KIF15: variants seen among roughly 807,000 people sequenced by gnomAD.
KIF15 encodes kinesin-like protein KIF15.
In KIF15, 140 loss-of-function variants were observed where a neutral mutation model predicts 190.6. That is an observed-to-expected ratio of 0.73 (90% CI 0.64 to 0.84). The LOEUF is 0.84. Among genes scored for constraint, KIF15 ranks in the 40% least tolerant of loss-of-function variants. The pLI, the probability that KIF15 is intolerant of heterozygous loss-of-function variation, is 0.00. For synonymous variants in KIF15, 528 were observed against 551.3 expected, an observed-to-expected ratio of 0.96 and a Z score of 0.59; for missense variants, 1,372 against 1,584.4, an observed-to-expected ratio of 0.87 and a Z score of 2.28.
chr3:44,778,328 C>A, intron 4 of KIF15, 137 bp downstream of exon 4: 1 of 711,206 alleles, frequency 1.4e-6, no homozygotes, highest in Non-Finnish European at 2.5e-6. Flanking sequence ...GTGAAAAGTT[C>A]AACATGGGTC....
chr3:44,789,782 A>T (rs1397102642), intron 7 of KIF15, among the ~76,000 whole-genome samples: 2 of 151,088 alleles, frequency 1.3e-5, no homozygotes, highest in Non-Finnish European at 2.9e-5. Flanking sequence ...GAAACGATGT[A>T]TAATAAAACC....
chr3:44,810,974 T>G lies in KIF15; in HGVS notation c.2100T>G (p.Asn700Lys), dbSNP rs1352050627. 1 of 1,613,936 alleles carries G rather than the reference T, an allele frequency of 6.2e-7. No individual in the cohort carries two copies. Among genetic ancestry groups the G allele is most frequent in the South Asian group, 1.1e-5 (1 of 91,054 alleles). The change falls in exon 17 of 35, where the codon AAT (asparagine) becomes AAG (lysine). Residue 700 changes from asparagine to lysine, a missense_variant. Asn to Lys is a moderately conservative substitution (Grantham distance 94, BLOSUM62 0). Transcript: ENST00000326047. ...GCATATTAGATAATGATATATTAAA[T>G]GAGCCAGTTCCTCCTGAGATGAATG... ...NSSILDNDILNEPVPPEMNEQ... is the reference protein window; with the variant it reads ...NSSILDNDILKEPVPPEMNEQ...
At chr3:44,848,282 A>G (rs1464863396) in intron 31 of KIF15, among the ~76,000 whole-genome samples, 2 of 152,262 alleles carry the variant, frequency 1.3e-5, no homozygotes, top group African/African-American at 4.8e-5. Context: ...ATGCACACAT[A>G]TAATTCTCCA....
chr3:44,821,339 G>A (rs936698823), intron 20 of KIF15, among the ~76,000 whole-genome samples: 2 of 151,648 alleles, frequency 1.3e-5, no homozygotes, highest in Admixed American at 1.3e-4. Context: ...GGGTGGCTGC[G>A]GGGCGGTGAC....
At chr3:44,862,122 G>T (rs757182390) in intron 6 of KIF15, 29 of 1,141,360 alleles carry the variant, frequency 2.5e-5, no homozygotes, top group Middle Eastern at 3.5e-4. Flanking sequence ...GCGAGGTCGA[G>T]CCCGGGGCGC....
chr3:44,811,204 G>C (rs1707768212), intron 17 of KIF15, among the ~76,000 whole-genome samples, 161 bp downstream of exon 17: 1 of 152,108 alleles, frequency 6.6e-6, no homozygotes, highest in African/African-American at 2.4e-5. Context: ...TTGGAAATCA[G>C]CCCACTCTTG....
intron 20 of KIF15, among the ~76,000 whole-genome samples, chr3:44,816,047 A>T (rs2125667289): frequency 6.6e-6 from 1 of 151,856 alleles, no homozygotes; most frequent in Non-Finnish European, 1.5e-5. Context: ...TTTTTTTTTT[A>T]AAGATTCATT....
chr3:44,801,502 T>C lies in KIF15; in HGVS notation c.1275T>C (p.Phe425=), dbSNP rs74683210. ...MEYFQEAMLF[F]KKSEQEKKSL... The stretch of plus-strand genomic sequence containing the variant: ...ATTTCCAGGAAGCAATGTTATTCTT[T>C]AAGAAATCTGAACAGGAAAAGAAGG... Residue 425 remains phenylalanine, a synonymous_variant, in exon 12 of 35, where the codon TTT becomes TTC. Transcript: ENST00000326047. The C allele has an allele frequency of 2.9e-4, 453 of 1,572,436 alleles. No individual in the cohort carries two copies. In the African/African-American group the frequency reaches 5.1e-3, roughly 18 times the overall value.
chr3:44,800,091 C>G (rs1043393626), intron 10 of KIF15, among the ~76,000 whole-genome samples: 2 of 152,100 alleles, frequency 1.3e-5, no homozygotes, highest in African/African-American at 4.8e-5. Context: ...GGCAGAGAGC[C>G]TGGCTGGGGC....
At position 44,843,170 on chromosome 3, in the gene KIF15, T is replaced by G. The variant is rs1414132813; in HGVS notation, c.3631T>G (p.Leu1211Val). The change falls in exon 30 of 35, where the codon TTA becomes GTA. Residue 1211 changes from leucine to valine, a missense_variant. Transcript: ENST00000326047. Reference sequence around the variant, plus strand: ...AAACCTACGCCTGGAAAGTCAGCAGTTAATAGAGAAAAACTGGCTCCTGCA... The same window carrying G: ...AAACCTACGCCTGGAAAGTCAGCAGGTAATAGAGAAAAACTGGCTCCTGCA... ...MENLRLESQQ[L>V]IEKNWLLQGQ... 6.2e-7 allele frequency: 1 copy of G among 1,613,468 alleles called. No homozygotes were observed. Among genetic ancestry groups the G allele is most frequent in the Admixed American group, 1.7e-5 (1 of 59,912 alleles).
intron 6 of KIF15, among the ~76,000 whole-genome samples, chr3:44,865,849 G>T (rs72863105): frequency 0.012 from 1,767 of 152,234 alleles, 31 homozygotes; most frequent in African/African-American, 0.039. Flanking sequence ...ACAGGCTAAG[G>T]CTCTTTGAAC....
Position 44,798,106 on chromosome 3 carries a change from A to G in KIF15, c.1098+150A>G, listed in dbSNP as rs574029565. 4.0e-3 allele frequency: 2,780 copies of G among 695,238 alleles called. 100 individuals carry two copies. The South Asian group carries it at 0.059, about 15-fold the overall frequency. 43.1% of individuals were successfully genotyped at this position (695,238 alleles called of 1,614,324 possible). On this transcript the variant is annotated intron_variant, in intron 10 of 34. Coordinates refer to ENST00000326047, the MANE Select transcript of KIF15 (RefSeq NM_020242.3). ...TCTATTTTATCTTTCCTACCCTTCT[A>G]TATCACACATGTAATTAGAGACCTA...
chr3:44,843,283 T>C, intron 30 of KIF15, 49 bp downstream of exon 30: 1 of 1,284,762 alleles, frequency 7.8e-7, no homozygotes. Context: ...GGCCTGCCTG[T>C]GTGGAGTTAA....
intron 32 of KIF15, among the ~76,000 whole-genome samples, chr3:44,848,770 G>A (rs1019267506): frequency 6.6e-6 from 1 of 152,166 alleles, no homozygotes; most frequent in South Asian, 2.1e-4. Flanking sequence ...ATAAATAGCA[G>A]GAAAAGCCTA....
chr3:44,787,444 C>G (rs569883273), intron 7 of KIF15, among the ~76,000 whole-genome samples: 1 of 152,092 alleles, frequency 6.6e-6, no homozygotes. Context: ...ATTTTCACTG[C>G]TGTATGATAT....
chr3:44,788,675 T>C (rs938186284), intron 7 of KIF15, among the ~76,000 whole-genome samples: 6 of 152,180 alleles, frequency 3.9e-5, no homozygotes, highest in Non-Finnish European at 7.4e-5. Context: ...AGGCCAGTCT[T>C]GAACTCCTGG....
rs374701030 is a variant in KIF15, at chr3:44,834,184, A to G, written c.3171+3166A>G. ...TCATATTCCCTTTGTACTTATCTTC[A>G]GTCTTTATTAGCTAAAATTTAGTTT... On this transcript the variant is annotated intron_variant, in intron 26 of 34. Coordinates refer to ENST00000326047, the MANE Select transcript of KIF15 (RefSeq NM_020242.3). 8.5e-5 allele frequency among the ~76,000 whole-genome samples: 13 copies of G among 152,314 alleles called. No homozygotes were observed. The South Asian group carries it at 1.7e-3, about 19-fold the overall frequency.
intron 6 of KIF15, among the ~76,000 whole-genome samples, chr3:44,858,409 G>GTGGGA (rs1204542608): frequency 5.9e-5 from 9 of 152,212 alleles, no homozygotes; most frequent in Non-Finnish European, 1.3e-4. Context: ...AAAGCCTGTT[G>GTGGGA]TGGGATGGGA....
intron 27 of KIF15, among the ~76,000 whole-genome samples, chr3:44,839,655 C>T (rs1471300668): frequency 6.6e-6 from 1 of 152,178 alleles, no homozygotes; most frequent in Non-Finnish European, 1.5e-5. Flanking sequence ...TACCCTTTGA[C>T]CAACATCTCC....
Sources: gnomAD v4.1 joint callset for allele counts (sites outside exome capture counted in the v4.1 genomes callset) on GRCh38, gnomAD v4.1.1 for gene constraint, MANE v1.5 for transcripts, NCBI Gene and HGNC (gene_info 2026-07-23, HGNC 2026-07-21) for gene names.